The following CELF4 variants were observed in gnomAD, a reference collection of about 807,000 sequenced individuals.
The protein encoded by CELF4 is CUG-BP- and ETR-3-like factor 4.
CELF4 carries 18 observed loss-of-function variants against 59.9 expected under a neutral mutation model. That is an observed-to-expected ratio of 0.30 (90% CI 0.21 to 0.45). CELF4 has a LOEUF of 0.45. CELF4 is among the 20% of genes least tolerant of loss of function. The pLI, the probability that CELF4 is intolerant of heterozygous loss-of-function variation, is 1.00. For missense variants in CELF4, 456 were observed against 689.0 expected (o/e 0.66, Z 3.79); for synonymous variants, 261 against 267.1 (o/e 0.98, Z 0.22).
rs1435709401 is a variant in CELF4, at chr18:37,320,314, C to A, written c.448+1489G>T. Reference sequence around the variant, plus strand: ...TCACACCACTGCACTCCAGCCTGGGCGACAGAGTGAGACTCCATCTCAAAA... The same window carrying A: ...TCACACCACTGCACTCCAGCCTGGGAGACAGAGTGAGACTCCATCTCAAAA... On this transcript the variant is annotated intron_variant, in intron 3 of 12. Coordinates refer to ENST00000420428, the MANE Select transcript of CELF4 (RefSeq NM_020180.4). Among the ~76,000 whole-genome samples, 393 of 131,826 alleles carry A rather than the reference C, an allele frequency of 3.0e-3. 3 individuals are homozygous for A. Among genetic ancestry groups the A allele is most frequent in the African/African-American group, 0.011 (372 of 34,494 alleles). 86.5% of individuals were successfully genotyped at this position (131,826 alleles called of 152,430 possible).
chr18:37,328,253 G>A (rs1201419550), intron 2 of CELF4, among the ~76,000 whole-genome samples: 16 of 152,304 alleles, frequency 1.1e-4, no homozygotes, highest in Admixed American at 1.0e-3. Context: ...CGCATTGAAC[G>A]AGATCATGAA....
intron 1 of CELF4, among the ~76,000 whole-genome samples, chr18:37,494,628 G>A (rs1603642624): frequency 6.6e-6 from 1 of 152,186 alleles, no homozygotes; most frequent in Admixed American, 6.5e-5. Flanking sequence ...GCTCGGGATG[G>A]GGTGCGTATC....
chr18:37,557,997 C>CTTTTTTTTTTTTTTTTTTTTTTTTTTTT (rs34181233), intron 1 of CELF4, among the ~76,000 whole-genome samples: 3 of 100,766 alleles, frequency 3.0e-5, no homozygotes, highest in Non-Finnish European at 5.6e-5. Context: ...ATCCCTTTTA[C>CTTTTTTTTTTTTTTTTTTTTTTTTTTTT]TTTTTTTTTT....
At chr18:37,499,124 C>T (rs1340903310) in intron 1 of CELF4, among the ~76,000 whole-genome samples, 4 of 152,170 alleles carry the variant, frequency 2.6e-5, no homozygotes, top group Non-Finnish European at 5.9e-5. Flanking sequence ...ACAGGGACCT[C>T]ATTGCACTTC....
intron 6 of CELF4, 81 bp downstream of exon 6, chr18:37,274,230 A>G: frequency 6.3e-7 from 1 of 1,582,074 alleles, no homozygotes; most frequent in Non-Finnish European, 8.6e-7. Flanking sequence ...ATAGAGTAGT[A>G]TTTTCGGTTT....
At chr18:37,489,814 C>T (rs949606285) in intron 1 of CELF4, among the ~76,000 whole-genome samples, 4 of 152,186 alleles carry the variant, frequency 2.6e-5, no homozygotes, top group African/African-American at 4.8e-5. Context: ...GGGCTCTGAA[C>T]GCTGAGGCTT....
chr18:37,267,042 C>T (rs1042177054), intron 8 of CELF4, among the ~76,000 whole-genome samples: 4 of 152,202 alleles, frequency 2.6e-5, no homozygotes, highest in African/African-American at 9.6e-5. Context: ...AGGCCTCACA[C>T]TACCACTTTG....
In CELF4 at chr18:37,423,064, GCACA is replaced by G. The variant is rs10654318; in HGVS notation, c.369+62457_369+62460del. ...TACACATAGACACATGCGCGCGCGC[GCACA>G]CACACACACACACAGAGACAGAGAG... On this transcript the variant is annotated intron_variant, in intron 2 of 12. Coordinates refer to ENST00000420428, the MANE Select transcript of CELF4 (RefSeq NM_020180.4). 3.3e-4 allele frequency among the ~76,000 whole-genome samples: 50 copies of G among 150,522 alleles called. 1 individual carries two copies. Among genetic ancestry groups the G allele is most frequent in the Admixed American group, 1.1e-3 (17 of 15,172 alleles).
chr18:37,311,515 C>T (rs926168159), intron 3 of CELF4, among the ~76,000 whole-genome samples: 1 of 152,172 alleles, frequency 6.6e-6, no homozygotes, highest in Non-Finnish European at 1.5e-5. Context: ...GAAGGGCTGG[C>T]CTGGTGGCTC....
intron 2 of CELF4, among the ~76,000 whole-genome samples, chr18:37,461,223 G>C (rs1234576899): frequency 6.6e-6 from 1 of 152,210 alleles, no homozygotes; most frequent in East Asian, 1.9e-4. Flanking sequence ...CAGGGCTTGA[G>C]ATTTGCTGTC....
Position 37,272,037 on chromosome 18 carries a change from T to A in CELF4, c.949+979A>T, listed in dbSNP as rs78154717. Reference sequence around the variant, plus strand: ...TGGGGATCAGAGGTGAAGAGTAGTGTTCAAGTTGAGCCCAGAGATGGCACA... The same window carrying A: ...TGGGGATCAGAGGTGAAGAGTAGTGATCAAGTTGAGCCCAGAGATGGCACA... On this transcript the variant is annotated intron_variant, in intron 7 of 12. Coordinates refer to ENST00000420428, the MANE Select transcript of CELF4 (RefSeq NM_020180.4). 8.5e-3 allele frequency among the ~76,000 whole-genome samples: 1,298 copies of A among 152,232 alleles called. 20 individuals are homozygous for A. The highest frequency in any genetic ancestry group is 0.03 in the African/African-American group (1,252 of 41,526).
chr18:37,317,458 G>A (rs1482665167), intron 3 of CELF4, among the ~76,000 whole-genome samples: 1 of 152,220 alleles, frequency 6.6e-6, no homozygotes, highest in East Asian at 1.9e-4. Flanking sequence ...GTAAATAACA[G>A]CTTTGTGGAT....
At chr18:37,564,325 C>A (rs536436906) in intron 1 of CELF4, among the ~76,000 whole-genome samples, 1 of 152,230 alleles carries the variant, frequency 6.6e-6, no homozygotes, top group East Asian at 1.9e-4. Flanking sequence ...CGTCACCCAC[C>A]AGCCACCCAC....
chr18:37,314,043 C>T (rs1219409365), intron 3 of CELF4, among the ~76,000 whole-genome samples: 2 of 152,256 alleles, frequency 1.3e-5, no homozygotes, highest in Non-Finnish European at 2.9e-5. Context: ...CAGGCTGTCA[C>T]ACCTGACCCC....
intron 2 of CELF4, among the ~76,000 whole-genome samples, chr18:37,459,986 AAATAGC>A (rs1236646441): frequency 6.6e-6 from 1 of 152,248 alleles, no homozygotes; most frequent in Admixed American, 6.5e-5. Flanking sequence ...AAGGAAAATC[AAATAGC>A]AATTCCCAGG....
At chr18:37,338,066 T>C (rs1313958) in intron 2 of CELF4, among the ~76,000 whole-genome samples, 2,714 of 114,148 alleles carry the variant, frequency 0.024, 473 homozygotes, top group Middle Eastern at 0.068. Flanking sequence ...TCACTATGAC[T>C]GTCACTGACA....
intron 2 of CELF4, among the ~76,000 whole-genome samples, chr18:37,441,409 G>A (rs1417304637): frequency 6.6e-6 from 1 of 152,052 alleles, no homozygotes; most frequent in Non-Finnish European, 1.5e-5. Flanking sequence ...ACAGATGCCG[G>A]ATATGTTTGT....
At chr18:37,532,991 C>T (rs917039509) in intron 1 of CELF4, among the ~76,000 whole-genome samples, 1 of 152,240 alleles carries the variant, frequency 6.6e-6, no homozygotes, top group Non-Finnish European at 1.5e-5. Context: ...CTGGATATCT[C>T]TCATGGAAGC....
intron 2 of CELF4, among the ~76,000 whole-genome samples, chr18:37,452,132 C>T (rs920859520): frequency 1.3e-5 from 2 of 152,230 alleles, no homozygotes; most frequent in African/African-American, 4.8e-5. Context: ...TGGTACTCAT[C>T]TCTGCCAGCA....
Sources: gnomAD v4.1 joint callset for allele counts (sites outside exome capture counted in the v4.1 genomes callset) on GRCh38, gnomAD v4.1.1 for gene constraint, MANE v1.5 for transcripts, NCBI Gene and HGNC (gene_info 2026-07-23, HGNC 2026-07-21) for gene names.